The following DCN variants were observed in gnomAD, a reference collection of about 807,000 sequenced individuals.
DCN encodes the protein decorin.
DCN carries 17 observed loss-of-function variants against 36.5 expected under a neutral mutation model. That is an observed-to-expected ratio of 0.47 (90% CI 0.32 to 0.70). DCN has a LOEUF of 0.70. Ranked by LOEUF, DCN falls within the 30% of genes least tolerant of loss-of-function variation. DCN has a pLI of 0.04. For missense variants in DCN, 389 were observed against 430.1 expected (o/e 0.90, Z 0.84); for synonymous variants, 163 against 161.4 (o/e 1.01, Z -0.07).
chr12:91,149,168 T>G (rs1835023662), intron 7 of DCN, among the ~76,000 whole-genome samples: 1 of 152,202 alleles, frequency 6.6e-6, no homozygotes, highest in Admixed American at 6.5e-5. Flanking sequence ...CAAATACCTC[T>G]TATGAATATG....
At chr12:91,178,607 T>C in intron 1 of DCN, 22 bp from the exon 2 acceptor site, 6 of 1,450,882 alleles carry the variant, frequency 4.1e-6, no homozygotes, top group Non-Finnish European at 5.8e-6. Context: ...ATGAGAGATT[T>C]AAGAAGAGTA....
At chr12:91,181,750 A>C (rs1483762153) in intron 1 of DCN, among the ~76,000 whole-genome samples, 5 of 152,224 alleles carry the variant, frequency 3.3e-5, no homozygotes, top group East Asian at 1.9e-4. Flanking sequence ...CTATAAATGC[A>C]AAACAAAATT....
Position 91,145,899 on chromosome 12 carries a change from C to T in DCN, c.*159G>A, listed in dbSNP as rs777182296. 3.1e-6 allele frequency: 2 copies of T among 636,784 alleles called. No homozygotes were observed. The highest frequency in any genetic ancestry group is 2.8e-5 in the East Asian group (1 of 36,200). The allele number at this position is 636,784 out of a possible 1,614,324, so 39.4% of individuals were successfully genotyped here. A position where few individuals can be genotyped will look rare whatever the true frequency, so the allele number is the denominator to read the frequency against. On this transcript the variant is annotated 3_prime_UTR_variant, in exon 8 of 8. Coordinates refer to ENST00000052754, the MANE Select transcript of DCN (RefSeq NM_001920.5). ...AGGCAAAATTTCTTTTTATTGTAGG[C>T]AATTACTTAAACTGGAAATTTGGCT...
In DCN at chr12:91,146,151, A is replaced by G. The variant is rs1323155282; in HGVS notation, c.987T>C (p.Leu329=). 6.2e-7 allele frequency: 1 copy of G among 1,613,806 alleles called. No homozygotes were observed. Among genetic ancestry groups the G allele is most frequent in the Admixed American group, 1.7e-5 (1 of 59,994 alleles). Residue 329 remains leucine, a synonymous_variant, in exon 8 of 8, where the codon CTT becomes CTC. Coordinates refer to ENST00000052754, the MANE Select transcript of DCN (RefSeq NM_001920.5). ...TKKASYSGVS[L]FSNPVQYWEI... ...CCCAGTACTGGACCGGGTTGCTGAA[A>G]AGACTCACACCCGAATAAGAAGCCT... is the stretch of plus-strand genomic sequence containing the variant.
At position 91,157,160 on chromosome 12, in the gene DCN, T is replaced by G. The variant is rs1881836203; in HGVS notation, c.567A>C (p.Ser189=). ...CCTGGAAAGCCCCATTTTCAATTCC[T>G]GAGCTCTTCAGCGGATTGGTGCCCA... ...IELGTNPLKS[S]GIENGAFQGM... is the part of the protein sequence containing the mutation. The change falls in exon 5 of 8, where the codon TCA becomes TCC. Residue 189 remains serine (S), a synonymous_variant. Coordinates refer to ENST00000052754, the MANE Select transcript of DCN (RefSeq NM_001920.5). The G allele has an allele frequency of 6.2e-7, 1 of 1,613,760 alleles. No individual in the cohort carries two copies. The highest frequency in any genetic ancestry group is 8.5e-7 in the Non-Finnish European group (1 of 1,179,756).
chr12:91,175,906 C>T (rs1412233109), intron 2 of DCN: 1 of 152,070 alleles, frequency 6.6e-6, no homozygotes, highest in Non-Finnish European at 1.5e-5. Context: ...TCTGTTACTG[C>T]ATATAATCAT....
At position 91,169,386 on chromosome 12, in the gene DCN, A is replaced by T. The variant is rs1289656853; in HGVS notation, c.212-4669T>A. 7.4e-5 allele frequency among the ~76,000 whole-genome samples: 11 copies of T among 148,562 alleles called. 1 individual carries two copies. The highest frequency in any genetic ancestry group is 1.8e-4 in the African/African-American group (7 of 38,694). ...ACAGGGGGAGATCCTGTCAAAAAAA[A>T]AAAAAAAAAAAAAAACCAAAAAACA... On this transcript the variant is annotated intron_variant, in intron 2 of 7. Transcript: ENST00000052754.
intron 2 of DCN, chr12:91,172,600 G>T: frequency 2.1e-6 from 1 of 481,282 alleles, no homozygotes. Context: ...AAGCTTCCTG[G>T]TTTTACAGTT....
rs1880776712 is a variant in DCN at position 91,142,241 on chromosome 12, C to T, written c.*3817G>A. 1 of 152,130 alleles carries T rather than the reference C, an allele frequency of 6.6e-6. No homozygotes were observed. Among genetic ancestry groups the T allele is most frequent in the Non-Finnish European group, 1.5e-5 (1 of 68,046 alleles). 9.4% of individuals were successfully genotyped at this position (152,130 alleles called of 1,614,324 possible). ...TCAGCAACCTCGAATGTCTGTGCTG[C>T]AGGAGAGTCTGAAGGACAGTGAAGT... is the stretch of plus-strand genomic sequence containing the variant. On this transcript the variant is annotated 3_prime_UTR_variant, in exon 8 of 8. Coordinates refer to ENST00000052754, the MANE Select transcript of DCN (RefSeq NM_001920.5).
At chr12:91,147,890 C>G (rs762716620) in intron 7 of DCN, among the ~76,000 whole-genome samples, 2 of 151,932 alleles carry the variant, frequency 1.3e-5, no homozygotes, top group African/African-American at 4.8e-5. Context: ...GTTTTACAAT[C>G]ATGTTTAAGA....
rs1880724430 is a variant in DCN, at chr12:91,140,545, C to T, written c.*5513G>A. 6.6e-6 allele frequency: 1 copy of T among 152,038 alleles called. No homozygotes were observed. The highest frequency in any genetic ancestry group is 6.5e-5 in the Admixed American group (1 of 15,270). 9.4% of individuals were successfully genotyped at this position (152,038 alleles called of 1,614,324 possible). ...GAAACCACAGAACATTGCAAAAGGC[C>T]AAATTGGCCCTGTAAAATGTGTTGC... On this transcript the variant is annotated 3_prime_UTR_variant, in exon 8 of 8. Transcript: ENST00000052754.
intron 1 of DCN, chr12:91,180,291 G>GA (rs1385830457): frequency 9.5e-6 from 1 of 105,328 alleles, no homozygotes; most frequent in African/African-American, 5.1e-5. Context: ...TTAAAAAAAA[G>GA]AAGAAAGAAA....
chr12:91,178,482 A>G lies in DCN; in HGVS notation c.71T>C (p.Leu24Ser). The G allele has an allele frequency of 6.2e-7, 1 of 1,613,740 alleles. No individual in the cohort carries two copies. The highest frequency in any genetic ancestry group is 8.5e-7 in the Non-Finnish European group (1 of 1,179,928). Residue 24 changes from leucine (L) to serine (S), a missense_variant, in exon 2 of 8, where the codon TTA becomes TCA. Physicochemically the swap from Leu to Ser is moderately radical, Grantham distance 145. Transcript: ENST00000052754. ...CTCATCTTCTAGCATAAAGTCAAAT[A>G]AGCCTCTCTGTTGAAACGGTCCAGC... Reference protein sequence around the residue: ...SWAGPFQQRGLFDFMLEDEAS... With the variant: ...SWAGPFQQRGSFDFMLEDEAS...
Position 91,182,505 on chromosome 12 carries a change from A to G in DCN, c.-34+150T>C, listed in dbSNP as rs538926143. 1.8e-4 allele frequency: 28 copies of G among 152,130 alleles called. 3 individuals are homozygous for G. In the South Asian group the frequency reaches 5.6e-3, roughly 30 times the overall value. 9.4% of individuals were successfully genotyped at this position (152,130 alleles called of 1,614,324 possible). On this transcript the variant is annotated intron_variant, in intron 1 of 7. Coordinates refer to ENST00000052754, the MANE Select transcript of DCN (RefSeq NM_001920.5). ...TATTTAACTTCTGTTTTCAAATAATACTTGTTTAAAATGTTGCATAAAAAC... is the reference window on the plus strand; with the variant it reads ...TATTTAACTTCTGTTTTCAAATAATGCTTGTTTAAAATGTTGCATAAAAAC...
chr12:91,145,699 T>C lies in DCN; in HGVS notation c.*359A>G, dbSNP rs1223015152. On this transcript the variant is annotated 3_prime_UTR_variant, in exon 8 of 8. Transcript: ENST00000052754. ...TATCTCAAATGAGCTAACTGCTCAA[T>C]GAATTACAGAAGACTCATACTCTTT... 1 of 385,976 alleles carries C rather than the reference T, an allele frequency of 2.6e-6. No individual in the cohort carries two copies. The highest frequency in any genetic ancestry group is 7.2e-5 in the East Asian group (1 of 13,924). The allele number at this position is 385,976 out of a possible 1,614,324, so 23.9% of individuals were successfully genotyped here. A position where few individuals can be genotyped will look rare whatever the true frequency, so the allele number is the denominator to read the frequency against.
intron 3 of DCN, among the ~76,000 whole-genome samples, chr12:91,158,959 C>CA (rs537331301): frequency 4.7e-3 from 517 of 110,460 alleles, no homozygotes; most frequent in African/African-American, 0.014. Flanking sequence ...AAGATTGTCT[C>CA]AAAAAAAAAA....
chr12:91,150,600 G>A (rs1208684941), intron 7 of DCN, among the ~76,000 whole-genome samples: 3 of 152,194 alleles, frequency 2.0e-5, no homozygotes, highest in Non-Finnish European at 2.9e-5. Context: ...AGTAGATGCT[G>A]ATGAGGCTGT....
At chr12:91,167,450 G>GACAC (rs567637365) in intron 2 of DCN, among the ~76,000 whole-genome samples, 3 of 144,758 alleles carry the variant, frequency 2.1e-5, no homozygotes, top group African/African-American at 8.1e-5. Context: ...AATTATCTCA[G>GACAC]ACACACACAC....
chr12:91,164,597 GT>G lies in DCN; in HGVS notation c.324+7del. The G allele has an allele frequency of 2.0e-6, 3 of 1,493,244 alleles. No individual in the cohort carries two copies. The highest frequency in any genetic ancestry group is 2.8e-6 in the Non-Finnish European group (3 of 1,070,490). The allele number at this position is 1,493,244 out of a possible 1,614,324, so 92.5% of individuals were successfully genotyped here. On this transcript the variant is annotated splice_region_variant and intron_variant, in intron 3 of 7. Coordinates refer to ENST00000052754, the MANE Select transcript of DCN (RefSeq NM_001920.5). ...TCTTATTGTGAGTTAAAAAAAAATA[GT>G]TCTTACGTGAAGGTTCTTCAGGTTC...
Sources: allele counts gnomAD v4.1 joint callset (sites outside exome capture counted in the v4.1 genomes callset), GRCh38; gene constraint gnomAD v4.1.1; transcripts MANE v1.5; gene names NCBI Gene and HGNC (gene_info 2026-07-23, HGNC 2026-07-21).